FHOD3: variants seen among roughly 807,000 people sequenced by gnomAD.
FHOD3 encodes the protein FH1/FH2 domain-containing protein 3.
Under a neutral mutation model 173.0 loss-of-function variants are expected in FHOD3, and 90 were observed. The ratio of observed to expected loss-of-function variants is 0.52; its 90% confidence interval spans 0.44 to 0.62. FHOD3 has a LOEUF of 0.62. Ranked by LOEUF, FHOD3 falls within the 20% of genes least tolerant of loss-of-function variation. FHOD3 has a pLI of 0.00. For synonymous variants in FHOD3, 828 were observed against 823.0 expected (o/e 1.01, Z -0.10); for missense variants, 1,945 against 2,034.7 (o/e 0.96, Z 0.85).
chr18:36,715,634 G>A (rs1189702060), intron 18 of FHOD3, among the ~76,000 whole-genome samples: 1 of 152,170 alleles, frequency 6.6e-6, no homozygotes, highest in Non-Finnish European at 1.5e-5. Flanking sequence ...TTACATCCAT[G>A]AAAAAGGCAA....
At chr18:36,574,824 A>T (rs1258815586) in intron 5 of FHOD3, among the ~76,000 whole-genome samples, 1 of 152,144 alleles carries the variant, frequency 6.6e-6, no homozygotes, top group Non-Finnish European at 1.5e-5. Context: ...TTTTACCATT[A>T]AATAGACTAT....
At position 36,653,278 on chromosome 18, in the gene FHOD3, T is replaced by G. The variant is rs562990939; in HGVS notation, c.1647-64T>G. The G allele has an allele frequency of 7.9e-6, 10 of 1,259,756 alleles. No homozygotes were observed. In the East Asian group the frequency reaches 2.5e-4, roughly 32 times the overall value. The allele number at this position is 1,259,756 out of a possible 1,614,324, so 78.0% of individuals were successfully genotyped here. ...ATGAAGTCTTTTTGACGCTGAAGAA[T>G]GTATCAAAGTCCTTTGCTATCTTTC... On this transcript the variant is annotated intron_variant, in intron 12 of 28. Coordinates refer to ENST00000590592, the MANE Select transcript of FHOD3 (RefSeq NM_001281740.3).
At chr18:36,419,198 A>C (rs2049850405) in intron 3 of FHOD3, among the ~76,000 whole-genome samples, 1 of 151,628 alleles carries the variant, frequency 6.6e-6, no homozygotes. Flanking sequence ...AATAATTATA[A>C]TTTGCCGTCT....
At chr18:36,651,569 A>G (rs2036053473) in intron 11 of FHOD3, among the ~76,000 whole-genome samples, 1 of 152,168 alleles carries the variant, frequency 6.6e-6, no homozygotes, top group South Asian at 2.1e-4. Context: ...CTTGACCAAC[A>G]TGGTGAAACC....
intron 3 of FHOD3, among the ~76,000 whole-genome samples, chr18:36,495,221 G>A (rs1008927720): frequency 6.6e-6 from 1 of 152,152 alleles, no homozygotes; most frequent in African/African-American, 2.4e-5. Flanking sequence ...GATTACACGT[G>A]TGAGCCACTG....
At chr18:36,388,993 C>A (rs1265766685) in intron 3 of FHOD3, among the ~76,000 whole-genome samples, 1 of 152,006 alleles carries the variant, frequency 6.6e-6, no homozygotes, top group East Asian at 1.9e-4. Flanking sequence ...TGGGGGGGCC[C>A]TGATAGGCGC....
chr18:36,394,644 G>A (rs181115290), intron 3 of FHOD3, among the ~76,000 whole-genome samples: 1 of 152,314 alleles, frequency 6.6e-6, no homozygotes. Context: ...CATCACGGGT[G>A]TTCTCTTTAG....
chr18:36,526,837 GC>G (rs2146728757), intron 5 of FHOD3, among the ~76,000 whole-genome samples: 1 of 152,344 alleles, frequency 6.6e-6, no homozygotes, highest in Non-Finnish European at 1.5e-5. Flanking sequence ...AAGTATCTAG[GC>G]ATTATCAGGC....
At chr18:36,639,345 TCCTGGCTAACA>T (rs1466523150) in intron 10 of FHOD3, among the ~76,000 whole-genome samples, 2 of 151,980 alleles carry the variant, frequency 1.3e-5, no homozygotes, top group African/African-American at 4.8e-5. Flanking sequence ...ATCGAGACCA[TCCTGGCTAACA>T]GGTGAAACCC....
At chr18:36,542,856 A>C (rs921795894) in intron 5 of FHOD3, among the ~76,000 whole-genome samples, 2 of 152,164 alleles carry the variant, frequency 1.3e-5, no homozygotes, top group African/African-American at 2.4e-5. Flanking sequence ...TGACGAAGGG[A>C]AAGTGGGGTG....
intron 1 of FHOD3, among the ~76,000 whole-genome samples, chr18:36,322,434 C>T (rs2144985020): frequency 6.6e-6 from 1 of 152,204 alleles, no homozygotes; most frequent in Non-Finnish European, 1.5e-5. Context: ...GGTAAGGCCC[C>T]TTCTGTTGTG....
intron 3 of FHOD3, among the ~76,000 whole-genome samples, chr18:36,415,045 G>A (rs556014056): frequency 3.3e-5 from 5 of 152,178 alleles, no homozygotes; most frequent in East Asian, 1.9e-4. Context: ...GGACCACAGC[G>A]GGGGATTTTT....
chr18:36,491,064 G>A (rs1305246078), intron 3 of FHOD3, among the ~76,000 whole-genome samples: 1 of 152,156 alleles, frequency 6.6e-6, no homozygotes, highest in African/African-American at 2.4e-5. Context: ...ATGAGAGCTG[G>A]CCCTGGTGTG....
At chr18:36,748,364 G>GCACACACACACACACACAACACA (rs1393059069) in intron 24 of FHOD3, among the ~76,000 whole-genome samples, 1 of 140,724 alleles carries the variant, frequency 7.1e-6, no homozygotes, top group Non-Finnish European at 1.5e-5. Context: ...ACACGCACGC[G>GCACACACACACACACACAACACA]CACACACACA....
intron 2 of FHOD3, among the ~76,000 whole-genome samples, chr18:36,364,851 C>T (rs1158051417): frequency 6.6e-6 from 1 of 151,868 alleles, no homozygotes; most frequent in Non-Finnish European, 1.5e-5. Context: ...AGGAGCAAGG[C>T]AAGGCTGGGA....
chr18:36,416,044 ATT>A (rs1408019619), intron 3 of FHOD3, among the ~76,000 whole-genome samples: 2 of 152,030 alleles, frequency 1.3e-5, no homozygotes, highest in African/African-American at 4.8e-5. Context: ...TTTTTTATTT[ATT>A]TTTTTGAGAT....
chr18:36,445,637 G>A (rs1599146550), intron 3 of FHOD3, among the ~76,000 whole-genome samples: 2 of 152,122 alleles, frequency 1.3e-5, no homozygotes, highest in African/African-American at 4.8e-5. Flanking sequence ...CATTGACCAT[G>A]AGGCAGTGTT....
At chr18:36,420,581 G>A (rs1280746720) in intron 3 of FHOD3, among the ~76,000 whole-genome samples, 1 of 152,186 alleles carries the variant, frequency 6.6e-6, no homozygotes, top group African/African-American at 2.4e-5. Context: ...GGGACAGCTG[G>A]TTTAACAACC....
rs556116501 is a variant in FHOD3 at position 36,668,833 on chromosome 18, G to A, written c.1835+10645G>A. Among the ~76,000 whole-genome samples, 117 of 151,930 alleles carry A rather than the reference G, an allele frequency of 7.7e-4. 3 individuals are homozygous for A. In the South Asian group the frequency reaches 0.024, roughly 31 times the overall value. ...CTGATTTCTAATTTAATAAAATTGCGGTCAGAGAACATATGTTGTATGACT... is the reference window on the plus strand; with the variant it reads ...CTGATTTCTAATTTAATAAAATTGCAGTCAGAGAACATATGTTGTATGACT... On this transcript the variant is annotated intron_variant, in intron 14 of 28. Coordinates refer to ENST00000590592, the MANE Select transcript of FHOD3 (RefSeq NM_001281740.3).
Sources: gnomAD v4.1 joint callset for allele counts (sites outside exome capture counted in the v4.1 genomes callset) on GRCh38, gnomAD v4.1.1 for gene constraint, MANE v1.5 for transcripts, NCBI Gene and HGNC (gene_info 2026-07-23, HGNC 2026-07-21) for gene names.